The following ZEB1 variants were observed in gnomAD, a reference collection of about 807,000 sequenced individuals.
ZEB1 encodes the protein zinc finger E-box-binding homeobox 1.
Under a neutral mutation model 84.9 loss-of-function variants are expected in ZEB1, and 21 were observed. That is an observed-to-expected ratio of 0.25 (90% CI 0.18 to 0.36). The LOEUF is 0.36. Among genes scored for constraint, ZEB1 ranks in the 10% least tolerant of loss-of-function variants. The probability of loss-of-function intolerance (pLI) is 1.00; values close to 1 mark genes in which losing one functional copy is unlikely to be tolerated. For synonymous variants in ZEB1, 420 were observed against 471.1 expected, an observed-to-expected ratio of 0.89 and a Z score of 1.41; for missense variants, 1,104 against 1,330.2, an observed-to-expected ratio of 0.83 and a Z score of 2.65.
intron 1 of ZEB1, among the ~76,000 whole-genome samples, chr10:31,416,202 G>A (rs2055183988): frequency 6.6e-6 from 1 of 151,842 alleles, no homozygotes; most frequent in Admixed American, 6.6e-5. Context: ...TGGTGTTCTT[G>A]ATTATGATTT....
chr10:31,467,386 G>A (rs895716758), intron 2 of ZEB1, among the ~76,000 whole-genome samples: 19 of 152,068 alleles, frequency 1.2e-4, no homozygotes, highest in African/African-American at 4.1e-4. Context: ...GCCACACCAG[G>A]ATAGAGTGGG....
intron 1 of ZEB1, among the ~76,000 whole-genome samples, chr10:31,378,042 A>G (rs1041137860): frequency 6.7e-6 from 1 of 150,330 alleles, no homozygotes; most frequent in Admixed American, 6.7e-5. Flanking sequence ...TGTATATATT[A>G]TGCATAGACA....
intron 1 of ZEB1, among the ~76,000 whole-genome samples, chr10:31,332,654 T>G (rs1391645877): frequency 6.6e-6 from 1 of 152,136 alleles, no homozygotes; most frequent in Non-Finnish European, 1.5e-5. Flanking sequence ...TAGAAACAGT[T>G]CACTGTTTTT....
At chr10:31,343,832 T>G (rs2039824267) in intron 1 of ZEB1, among the ~76,000 whole-genome samples, 1 of 152,170 alleles carries the variant, frequency 6.6e-6, no homozygotes, top group South Asian at 2.1e-4. Context: ...TGATTTCATT[T>G]TACCGTGTTC....
At chr10:31,318,993 C>T (rs2032892660), upstream of ZEB1, 4 of 573,542 alleles carry the variant, frequency 7.0e-6, no homozygotes, top group Non-Finnish European at 1.3e-5. Context: ...AAAACTTTTC[C>T]CTCGCCCCTC....
intron 1 of ZEB1, among the ~76,000 whole-genome samples, chr10:31,325,945 C>G (rs1413890503): frequency 6.9e-6 from 1 of 144,680 alleles, no homozygotes; most frequent in Non-Finnish European, 1.5e-5. Context: ...ATCCACAATT[C>G]TAGCAGAGTG....
At chr10:31,446,102 T>C (rs1301993118) in intron 1 of ZEB1, among the ~76,000 whole-genome samples, 2 of 150,954 alleles carry the variant, frequency 1.3e-5, no homozygotes, top group African/African-American at 2.4e-5. Flanking sequence ...GATCCTGTTA[T>C]TGGTCTATTC....
At chr10:31,475,675 A>G (rs2064049642) in intron 2 of ZEB1, among the ~76,000 whole-genome samples, 1 of 152,176 alleles carries the variant, frequency 6.6e-6, no homozygotes, top group Non-Finnish European at 1.5e-5. Flanking sequence ...CATGAATTTT[A>G]TATCCTGCCA....
chr10:31,387,904 C>A (rs2048920735), intron 1 of ZEB1: 1 of 264,944 alleles, frequency 3.8e-6, no homozygotes, highest in Non-Finnish European at 5.8e-6. Context: ...CTTACAACTT[C>A]TTCCTGTCTT....
chr10:31,370,792 G>A (rs1305050564), intron 1 of ZEB1, among the ~76,000 whole-genome samples: 1 of 152,174 alleles, frequency 6.6e-6, no homozygotes, highest in Non-Finnish European at 1.5e-5. Context: ...TTTTCTGCCA[G>A]CTAGTTGTGT....
chr10:31,330,300 A>T (rs568221888), intron 1 of ZEB1, among the ~76,000 whole-genome samples: 1 of 152,218 alleles, frequency 6.6e-6, no homozygotes, highest in Non-Finnish European at 1.5e-5. Context: ...ATAGAGGAAC[A>T]CAAGTCCTAC....
chr10:31,358,030 A>C (rs2042391310), intron 1 of ZEB1: 1 of 152,172 alleles, frequency 6.6e-6, no homozygotes, highest in Admixed American at 6.5e-5. Context: ...TCCTGCCCCC[A>C]ACTTGCTCCT....
chr10:31,367,423 G>GTGA (rs368432153), intron 1 of ZEB1, among the ~76,000 whole-genome samples: 136 of 152,240 alleles, frequency 8.9e-4, no homozygotes, highest in African/African-American at 3.1e-3. Flanking sequence ...GATAATGGTA[G>GTGA]TGATGATGAT....
chr10:31,513,709 G>A (rs1350080938), intron 5 of ZEB1, among the ~76,000 whole-genome samples: 1 of 152,172 alleles, frequency 6.6e-6, no homozygotes, highest in Non-Finnish European at 1.5e-5. Flanking sequence ...GGAAAACACA[G>A]TGAAGGAGTA....
chr10:31,385,230 T>A (rs2048401386), intron 1 of ZEB1, among the ~76,000 whole-genome samples: 2 of 152,222 alleles, frequency 1.3e-5, no homozygotes, highest in African/African-American at 4.8e-5. Context: ...ATCCCAAGTT[T>A]ACTACCTGTT....
At chr10:31,446,159 C>T (rs1177683712) in intron 1 of ZEB1, among the ~76,000 whole-genome samples, 6 of 152,004 alleles carry the variant, frequency 3.9e-5, no homozygotes, top group Non-Finnish European at 7.4e-5. Flanking sequence ...GTGTATGTGT[C>T]GAGGAATGTA....
Position 31,527,162 on chromosome 10 carries a change from T to A in ZEB1, c.3276T>A (p.Gly1092=). 6.2e-7 allele frequency: 1 copy of A among 1,610,320 alleles called. No individual in the cohort carries two copies. Among genetic ancestry groups the A allele is most frequent in the East Asian group, 2.2e-5 (1 of 44,468 alleles). The change falls in exon 9 of 9, where the codon GGT becomes GGA. Residue 1092 remains glycine (G), a synonymous_variant. Coordinates refer to ENST00000424869, the MANE Select transcript of ZEB1 (RefSeq NM_001174096.2). ...ENEGEEAKTE[G]LMKDDRAESQ... ...AGGGAGAAGAAGCAAAAACTGAAGG[T>A]CTGATGAAGGATGACAGGGCTGAAA...
chr10:31,353,118 A>T (rs1046627990), intron 1 of ZEB1, among the ~76,000 whole-genome samples: 1 of 152,226 alleles, frequency 6.6e-6, no homozygotes, highest in African/African-American at 2.4e-5. Context: ...TCTGTATGAC[A>T]GTAGTAGTAT....
chr10:31,458,362 G>GTGTT (rs2061482493), intron 1 of ZEB1, among the ~76,000 whole-genome samples: 1 of 150,100 alleles, frequency 6.7e-6, no homozygotes, highest in African/African-American at 2.5e-5. Context: ...GTGTGTGTGT[G>GTGTT]TGTATTTGCC....
Sources: allele counts gnomAD v4.1 joint callset (sites outside exome capture counted in the v4.1 genomes callset), GRCh38; gene constraint gnomAD v4.1.1; transcripts MANE v1.5; gene names NCBI Gene and HGNC (gene_info 2026-07-23, HGNC 2026-07-21).